AUTS2: variants seen among roughly 807,000 people sequenced by gnomAD.
The protein encoded by AUTS2 is autism susceptibility gene 2 protein.
A neutral mutation model predicts 112.4 loss-of-function variants in AUTS2; 17 were observed. The ratio of observed to expected loss-of-function variants is 0.15; its 90% CI spans 0.10 to 0.23. The LOEUF is 0.23. Ranked by LOEUF, AUTS2 falls within the 10% of genes least tolerant of loss-of-function variation. AUTS2 has a pLI of 1.00. For missense variants in AUTS2, 1,510 were observed against 1,701.6 expected (o/e 0.89, Z 1.98); for synonymous variants, 751 against 702.7 (o/e 1.07, Z -1.09).
chr7:69,944,768 T>C (rs1293571333), intron 2 of AUTS2, among the ~76,000 whole-genome samples: 1 of 152,212 alleles, frequency 6.6e-6, no homozygotes, highest in African/African-American at 2.4e-5. Context: ...TTAAGGTTTG[T>C]GATTTTACCC....
At chr7:69,752,476 T>C (rs1005165466) in intron 1 of AUTS2, among the ~76,000 whole-genome samples, 8 of 152,232 alleles carry the variant, frequency 5.3e-5, no homozygotes, top group African/African-American at 1.9e-4. Flanking sequence ...CCAGATGCCG[T>C]GAATAACTGC....
intron 2 of AUTS2, among the ~76,000 whole-genome samples, chr7:69,928,526 C>T (rs757307818): frequency 6.6e-6 from 1 of 152,238 alleles, no homozygotes; most frequent in African/African-American, 2.4e-5. Flanking sequence ...TGTGCTTACA[C>T]CCAATGTCTG....
rs892520673 is a variant in AUTS2 at position 70,608,287 on chromosome 7, T to C, written c.691-90282T>C. 1.2e-4 allele frequency among the ~76,000 whole-genome samples: 19 copies of C among 152,130 alleles called. No individual in the cohort carries two copies. In the East Asian group the frequency reaches 3.7e-3, roughly 30 times the overall value. ...CCCAGCTAATTTTTAATTTTTTTTG[T>C]ATAGATGGGGTCTCACTATGTTGCC... On this transcript the variant is annotated intron_variant, in intron 5 of 18. Coordinates refer to ENST00000342771, the MANE Select transcript of AUTS2 (RefSeq NM_015570.4).
chr7:70,261,728 C>A (rs1787177440), intron 4 of AUTS2, among the ~76,000 whole-genome samples: 1 of 152,176 alleles, frequency 6.6e-6, no homozygotes, highest in Non-Finnish European at 1.5e-5. Flanking sequence ...ATTTTCTCCT[C>A]CCTACAGTTG....
intron 1 of AUTS2, among the ~76,000 whole-genome samples, chr7:69,857,374 A>G (rs1190925159): frequency 2.6e-5 from 4 of 152,276 alleles, no homozygotes; most frequent in Non-Finnish European, 5.9e-5. Context: ...ATGCAGCAGA[A>G]TCACAAGGAG....
intron 4 of AUTS2, among the ~76,000 whole-genome samples, chr7:70,428,908 G>C (rs1251344992): frequency 1.3e-5 from 2 of 152,148 alleles, no homozygotes; most frequent in African/African-American, 2.4e-5. Flanking sequence ...ATTTGGACCA[G>C]AGTCTTAAAA....
chr7:70,588,718 A>C (rs1802796937), intron 5 of AUTS2, among the ~76,000 whole-genome samples: 1 of 152,016 alleles, frequency 6.6e-6, no homozygotes, highest in African/African-American at 2.4e-5. Flanking sequence ...TTCATTTTTC[A>C]TAATGTCACA....
At chr7:70,333,864 G>A (rs1216717422) in intron 4 of AUTS2, among the ~76,000 whole-genome samples, 4 of 152,070 alleles carry the variant, frequency 2.6e-5, no homozygotes, top group Non-Finnish European at 5.9e-5. Flanking sequence ...GTAGATGATG[G>A]GTTGATGGGT....
intron 4 of AUTS2, among the ~76,000 whole-genome samples, chr7:70,321,102 G>C (rs976257941): frequency 6.6e-6 from 1 of 152,186 alleles, no homozygotes; most frequent in African/African-American, 2.4e-5. Flanking sequence ...ATGTTATCAT[G>C]TTTAATCTTC....
chr7:70,400,308 T>C (rs1794272140), intron 4 of AUTS2, among the ~76,000 whole-genome samples: 1 of 151,916 alleles, frequency 6.6e-6, no homozygotes, highest in Non-Finnish European at 1.5e-5. Context: ...AGACACAGAG[T>C]TGTAGGTATG....
chr7:70,365,704 T>C (rs1487735078), intron 4 of AUTS2, among the ~76,000 whole-genome samples: 1 of 152,224 alleles, frequency 6.6e-6, no homozygotes, highest in Non-Finnish European at 1.5e-5. Context: ...CTAAGTGTAT[T>C]TAACCTTCAG....
chr7:70,520,041 C>T (rs1307772167), intron 5 of AUTS2, among the ~76,000 whole-genome samples: 1 of 152,034 alleles, frequency 6.6e-6, no homozygotes, highest in African/African-American at 2.4e-5. Context: ...CAGATGTTTT[C>T]TTTCAGTCTA....
chr7:70,741,801 C>T (rs1046372052), intron 6 of AUTS2, among the ~76,000 whole-genome samples: 8 of 151,906 alleles, frequency 5.3e-5, no homozygotes, highest in Middle Eastern at 3.4e-3. Flanking sequence ...GGGTTGGAGC[C>T]GGTGGTTATA....
chr7:69,947,289 A>T (rs1039526234), intron 2 of AUTS2, among the ~76,000 whole-genome samples: 5 of 152,150 alleles, frequency 3.3e-5, no homozygotes, highest in African/African-American at 1.2e-4. Flanking sequence ...ACTTCACAAA[A>T]CACAGAAAAT....
chr7:69,616,215 A>C (rs1272309029), intron 1 of AUTS2, among the ~76,000 whole-genome samples: 2 of 152,176 alleles, frequency 1.3e-5, no homozygotes, highest in Non-Finnish European at 2.9e-5. Context: ...TGTGAGCCCA[A>C]AGCAGGCTAA....
intron 1 of AUTS2, among the ~76,000 whole-genome samples, chr7:69,864,443 G>C (rs1793129628): frequency 6.6e-6 from 1 of 152,142 alleles, no homozygotes; most frequent in Non-Finnish European, 1.5e-5. Flanking sequence ...TGTTCAATTA[G>C]AGATTAGAAT....
intron 1 of AUTS2, among the ~76,000 whole-genome samples, chr7:69,602,882 C>G (rs1235811994): frequency 1.3e-5 from 2 of 152,156 alleles, no homozygotes; most frequent in Non-Finnish European, 2.9e-5. Flanking sequence ...ATGGTCAGAA[C>G]ATATGTGTTA....
At chr7:69,662,705 A>G (rs1289801520) in intron 1 of AUTS2, among the ~76,000 whole-genome samples, 1 of 152,242 alleles carries the variant, frequency 6.6e-6, no homozygotes, top group Non-Finnish European at 1.5e-5. Context: ...TGTGTAATTC[A>G]TAAATATCAT....
chr7:70,687,749 G>A (rs1808543768), intron 5 of AUTS2, among the ~76,000 whole-genome samples: 1 of 152,156 alleles, frequency 6.6e-6, no homozygotes, highest in Non-Finnish European at 1.5e-5. Flanking sequence ...AAGGAAGGAA[G>A]CTTCCATTTT....
Sources: gnomAD v4.1 joint callset for allele counts (sites outside exome capture counted in the v4.1 genomes callset) on GRCh38, gnomAD v4.1.1 for gene constraint, MANE v1.5 for transcripts, NCBI Gene and HGNC (gene_info 2026-07-23, HGNC 2026-07-21) for gene names.